Variants in DCC observed in about 807,000 individuals in gnomAD.
DCC encodes the protein netrin receptor DCC.
DCC carries 58 observed loss-of-function variants against 172.5 expected under a neutral mutation model. The ratio of observed to expected loss-of-function variants is 0.34; its 90% CI spans 0.27 to 0.42. The LOEUF is 0.42. DCC is among the 10% of genes least tolerant of loss of function. DCC has a pLI of 1.00. For synonymous variants in DCC, 709 were observed against 644.5 expected, an observed-to-expected ratio of 1.10 and a Z score of -1.52; for missense variants, 1,740 against 1,791.0, an observed-to-expected ratio of 0.97 and a Z score of 0.51.
At chr18:53,170,908 C>A (rs1300992545) in intron 8 of DCC, among the ~76,000 whole-genome samples, 1 of 152,052 alleles carries the variant, frequency 6.6e-6, no homozygotes, top group African/African-American at 2.4e-5. Context: ...TTATTTAAAA[C>A]AAGGTCTTAC....
intron 2 of DCC, among the ~76,000 whole-genome samples, chr18:52,816,131 A>C (rs1463975746): frequency 6.6e-6 from 1 of 152,202 alleles, no homozygotes; most frequent in Non-Finnish European, 1.5e-5. Flanking sequence ...TTTAAGATGA[A>C]AAACTAAGGC....
At chr18:52,533,441 T>C (rs149411314) in intron 1 of DCC, among the ~76,000 whole-genome samples, 1 of 152,248 alleles carries the variant, frequency 6.6e-6, no homozygotes, top group East Asian at 1.9e-4. Flanking sequence ...ACTAAACCGA[T>C]CTCCATTTCT....
At chr18:52,921,893 C>G (rs529846958) in intron 3 of DCC, among the ~76,000 whole-genome samples, 2 of 151,698 alleles carry the variant, frequency 1.3e-5, no homozygotes, top group Admixed American at 6.6e-5. Context: ...GTTGTAGAAA[C>G]ATTTCTACCG....
chr18:53,231,281 T>C (rs2056117610), intron 12 of DCC, among the ~76,000 whole-genome samples: 1 of 152,118 alleles, frequency 6.6e-6, no homozygotes, highest in South Asian at 2.1e-4. Flanking sequence ...ATTTGTGTTA[T>C]GGTACTATTC....
chr18:52,653,399 T>C (rs1217828657), intron 1 of DCC, among the ~76,000 whole-genome samples: 1 of 152,222 alleles, frequency 6.6e-6, no homozygotes, highest in Non-Finnish European at 1.5e-5. Flanking sequence ...GAGGCTTCTT[T>C]CCATAGCATA....
At chr18:52,968,496 CCTCT>C (rs1392486598) in intron 5 of DCC, among the ~76,000 whole-genome samples, 1 of 152,092 alleles carries the variant, frequency 6.6e-6, no homozygotes, top group African/African-American at 2.4e-5. Flanking sequence ...CTATCCTTTC[CCTCT>C]GTTACTAGTT....
chr18:53,204,716 A>G (rs1053930923), intron 9 of DCC, among the ~76,000 whole-genome samples: 5 of 152,206 alleles, frequency 3.3e-5, no homozygotes, highest in African/African-American at 1.2e-4. Context: ...TGAACCCAGA[A>G]TCAGGCAAGA....
At chr18:53,172,532 C>T (rs2055029146) in intron 8 of DCC, among the ~76,000 whole-genome samples, 1 of 152,040 alleles carries the variant, frequency 6.6e-6, no homozygotes, top group South Asian at 2.1e-4. Flanking sequence ...GCCAGCGTGA[C>T]TTGGAACACA....
At chr18:52,842,772 TAAG>T (rs1454593160) in intron 2 of DCC, among the ~76,000 whole-genome samples, 2 of 152,192 alleles carry the variant, frequency 1.3e-5, no homozygotes, top group South Asian at 2.1e-4. Context: ...TGGTCCCTAA[TAAG>T]TTATTTGAAC....
chr18:52,795,363 G>C (rs2037854130), intron 2 of DCC, among the ~76,000 whole-genome samples: 1 of 151,836 alleles, frequency 6.6e-6, no homozygotes, highest in South Asian at 2.1e-4. Context: ...TAGGTTGTAT[G>C]CGTTTAGGAA....
chr18:52,962,560 A>T (rs1272375600), intron 5 of DCC, among the ~76,000 whole-genome samples: 5 of 152,006 alleles, frequency 3.3e-5, no homozygotes, highest in Admixed American at 3.3e-4. Flanking sequence ...TTCCTCAGGG[A>T]TCTAGAACTA....
At chr18:53,280,679 C>T (rs1341927769) in intron 12 of DCC, among the ~76,000 whole-genome samples, 3 of 151,830 alleles carry the variant, frequency 2.0e-5, no homozygotes, top group Non-Finnish European at 2.9e-5. Flanking sequence ...TATTAATGAA[C>T]GTACTGGAAA....
At chr18:52,644,795 A>AGAAG (rs1326920485) in intron 1 of DCC, among the ~76,000 whole-genome samples, 3 of 50,888 alleles carry the variant, frequency 5.9e-5, no homozygotes, top group African/African-American at 1.0e-4. Flanking sequence ...AAAGAAGGAA[A>AGAAG]GAAGGAAGGA....
chr18:53,102,758 C>T (rs2043191823), intron 7 of DCC, among the ~76,000 whole-genome samples: 1 of 152,054 alleles, frequency 6.6e-6, no homozygotes, highest in African/African-American at 2.4e-5. Context: ...TCCAGGTTTT[C>T]AGACTCTTTA....
chr18:52,914,083 T>C (rs1450745865), intron 3 of DCC, among the ~76,000 whole-genome samples: 1 of 152,138 alleles, frequency 6.6e-6, no homozygotes, highest in East Asian at 1.9e-4. Context: ...TGGAAAGTTT[T>C]TAATGCTGCT....
chr18:53,116,708 A>G (rs565012874), intron 7 of DCC, among the ~76,000 whole-genome samples: 4 of 151,798 alleles, frequency 2.6e-5, no homozygotes, highest in Non-Finnish European at 5.9e-5. Context: ...GTTCAATATC[A>G]TACACTTCTT....
At chr18:52,947,521 T>G (rs1246084974) in intron 5 of DCC, among the ~76,000 whole-genome samples, 2 of 152,188 alleles carry the variant, frequency 1.3e-5, no homozygotes, top group Non-Finnish European at 2.9e-5. Flanking sequence ...TCTATAAACT[T>G]TTTCAATGTA....
At chr18:53,010,760 CAAATT>C (rs1463986598) in intron 5 of DCC, among the ~76,000 whole-genome samples, 1 of 150,216 alleles carries the variant, frequency 6.7e-6, no homozygotes, top group South Asian at 2.1e-4. Flanking sequence ...TTTCAATAAA[CAAATT>C]AAATACTCTT....
At chr18:52,775,235 A>C (rs1230508061) in intron 2 of DCC, among the ~76,000 whole-genome samples, 2 of 151,994 alleles carry the variant, frequency 1.3e-5, no homozygotes, top group African/African-American at 4.8e-5. Flanking sequence ...TCATGCTTCT[A>C]GGGGAGCATA....
Sources: gnomAD v4.1 joint callset for allele counts (sites outside exome capture counted in the v4.1 genomes callset) on GRCh38, gnomAD v4.1.1 for gene constraint, MANE v1.5 for transcripts, NCBI Gene and HGNC (gene_info 2026-07-23, HGNC 2026-07-21) for gene names.